Variants in HS3ST2 observed in about 807,000 individuals in gnomAD.
The protein encoded by HS3ST2 is heparan sulfate glucosamine 3-O-sulfotransferase 2.
In HS3ST2, 17 loss-of-function variants were observed where a neutral mutation model predicts 26.3. The ratio of observed to expected loss-of-function variants is 0.65; its 90% CI spans 0.44 to 0.97. The LOEUF is 0.97. HS3ST2 is among the 50% of genes least tolerant of loss of function. The probability of loss-of-function intolerance (pLI) is 0.00; values close to 1 mark genes in which losing one functional copy is unlikely to be tolerated. For synonymous variants in HS3ST2, 237 were observed against 219.2 expected (o/e 1.08, Z -0.72); for missense variants, 402 against 501.2 (o/e 0.80, Z 1.89).
chr16:22,882,987 T>C (rs1902011026), intron 1 of HS3ST2, among the ~76,000 whole-genome samples: 1 of 150,090 alleles, frequency 6.7e-6, no homozygotes, highest in East Asian at 1.9e-4. Flanking sequence ...GCTGACATTG[T>C]GCCACTGCAC....
intron 1 of HS3ST2, among the ~76,000 whole-genome samples, chr16:22,911,022 T>G (rs534039909): frequency 2.0e-5 from 3 of 151,872 alleles, no homozygotes; most frequent in Admixed American, 1.3e-4. Context: ...AGGCTGGGAG[T>G]GTATGATGAG....
At chr16:22,846,886 T>C (rs1429483081) in intron 1 of HS3ST2, among the ~76,000 whole-genome samples, 1 of 152,000 alleles carries the variant, frequency 6.6e-6, no homozygotes, top group African/African-American at 2.4e-5. Flanking sequence ...TCTGGCAGAG[T>C]CAGGATACAA....
chr16:22,868,405 C>CAAAA (rs77630354), intron 1 of HS3ST2, among the ~76,000 whole-genome samples: 490 of 42,848 alleles, frequency 0.011, 18 homozygotes, highest in East Asian at 0.043. Context: ...AAGACTCCAT[C>CAAAA]AAAAAAAAAA....
intron 1 of HS3ST2, among the ~76,000 whole-genome samples, chr16:22,868,939 G>T (rs191758499): frequency 1.3e-5 from 2 of 152,078 alleles, no homozygotes; most frequent in East Asian, 3.9e-4. Flanking sequence ...AGTTTTAGGA[G>T]GCTCCACTGG....
At position 22,914,763 on chromosome 16, in the gene HS3ST2, A is replaced by AAAAAAAAAAGAG. The variant is rs1489223344; in HGVS notation, c.486-180_486-179insAAAAAAAAGAGA. On this transcript the variant is annotated intron_variant, in intron 1 of 1. Transcript: ENST00000261374. ...AAAAAAAAAAAAAAAAAAAAAAAAA[A>AAAAAAAAAAGAG]AGAGAAGAAAAGAAAATCAACAAGA... Among the ~76,000 whole-genome samples the AAAAAAAAAAGAG allele has an allele frequency of 1.7e-5, 2 of 118,778 alleles. 1 individual carries two copies. Among genetic ancestry groups the AAAAAAAAAAGAG allele is most frequent in the African/African-American group, 7.5e-5 (2 of 26,702 alleles). The allele number at this position is 118,778 out of a possible 152,430, so 77.9% of individuals were successfully genotyped here.
chr16:22,840,323 T>C (rs914685393), intron 1 of HS3ST2, among the ~76,000 whole-genome samples: 36 of 152,234 alleles, frequency 2.4e-4, no homozygotes, highest in African/African-American at 8.0e-4. Flanking sequence ...CCAGTCTGCA[T>C]ATTCTTTGCT....
intron 1 of HS3ST2, among the ~76,000 whole-genome samples, chr16:22,889,594 T>A (rs889219543): frequency 6.6e-6 from 1 of 151,990 alleles, no homozygotes; most frequent in African/African-American, 2.4e-5. Context: ...CTGGAAAAAA[T>A]CCCCAATCTG....
chr16:22,833,920 G>A (rs530323200), intron 1 of HS3ST2, among the ~76,000 whole-genome samples: 159 of 151,104 alleles, frequency 1.1e-3, no homozygotes, highest in Non-Finnish European at 1.9e-3. Context: ...AAGATATATT[G>A]TTCAGCTAAA....
chr16:22,816,599 G>A lies in HS3ST2; in HGVS notation c.485+1504G>A, dbSNP rs375254229. Among the ~76,000 whole-genome samples the A allele has an allele frequency of 4.6e-5, 7 of 152,346 alleles. 1 individual carries two copies. The highest frequency in any genetic ancestry group is 1.4e-4 in the African/African-American group (6 of 41,576). On this transcript the variant is annotated intron_variant, in intron 1 of 1. Transcript: ENST00000261374. ...CCAGCACCATTATGTCTGGTTAATA[G>A]GGTAGGGTGGCACAGAGTGGCAGAT... is the stretch of plus-strand genomic sequence containing the variant.
chr16:22,848,473 C>T (rs2141184804), intron 1 of HS3ST2, among the ~76,000 whole-genome samples: 1 of 152,280 alleles, frequency 6.6e-6, no homozygotes, highest in East Asian at 1.9e-4. Context: ...GAGACTGGAG[C>T]AGAAGATGAT....
chr16:22,874,134 T>G (rs930785267), intron 1 of HS3ST2, among the ~76,000 whole-genome samples: 3 of 152,164 alleles, frequency 2.0e-5, no homozygotes, highest in Non-Finnish European at 4.4e-5. Flanking sequence ...GAAGGGGACT[T>G]CATGTAGCCA....
intron 1 of HS3ST2, among the ~76,000 whole-genome samples, chr16:22,907,596 G>C (rs1034855543): frequency 1.3e-5 from 2 of 152,200 alleles, no homozygotes; most frequent in African/African-American, 4.8e-5. Context: ...GAATGATTCT[G>C]AAGTTTTCCT....
chr16:22,908,049 C>T (rs1201388178), intron 1 of HS3ST2, among the ~76,000 whole-genome samples: 1 of 152,098 alleles, frequency 6.6e-6, no homozygotes, highest in Non-Finnish European at 1.5e-5. Context: ...ATTGCGTGAG[C>T]CTGGGAGGTC....
intron 1 of HS3ST2, among the ~76,000 whole-genome samples, chr16:22,905,529 T>C (rs1902340790): frequency 6.6e-6 from 1 of 152,020 alleles, no homozygotes; most frequent in Admixed American, 6.6e-5. Context: ...GAGGGACATA[T>C]CTTCACCAGT....
chr16:22,892,830 A>G (rs1156244240), intron 1 of HS3ST2, among the ~76,000 whole-genome samples: 2 of 152,218 alleles, frequency 1.3e-5, no homozygotes, highest in Non-Finnish European at 2.9e-5. Context: ...GCTCTTCAAA[A>G]TGCGTTGGCT....
rs1379229453 is a variant in HS3ST2, at chr16:22,910,483, G to C, written c.486-4461G>C. 2.6e-5 allele frequency among the ~76,000 whole-genome samples: 4 copies of C among 152,146 alleles called. No individual in the cohort carries two copies. In the South Asian group the frequency reaches 6.2e-4, roughly 24 times the overall value. ...CCACAGTCACGATCTAATATATCCAGATTTCTAAGAAAATCCAGCCAAAGA... is the reference window on the plus strand; with the variant it reads ...CCACAGTCACGATCTAATATATCCACATTTCTAAGAAAATCCAGCCAAAGA... On this transcript the variant is annotated intron_variant, in intron 1 of 1. Coordinates refer to ENST00000261374, the MANE Select transcript of HS3ST2 (RefSeq NM_006043.2).
intron 1 of HS3ST2, among the ~76,000 whole-genome samples, chr16:22,846,174 G>A (rs928438538): frequency 6.6e-6 from 1 of 152,076 alleles, no homozygotes; most frequent in South Asian, 2.1e-4. Context: ...CTACTTGGGA[G>A]GCTGAGGCAG....
intron 1 of HS3ST2, among the ~76,000 whole-genome samples, chr16:22,864,047 T>C (rs1901714922): frequency 6.6e-6 from 1 of 152,206 alleles, no homozygotes; most frequent in Non-Finnish European, 1.5e-5. Flanking sequence ...CAAAAATTCA[T>C]GCCTGGCTCC....
chr16:22,897,439 G>C (rs1902225483), intron 1 of HS3ST2, among the ~76,000 whole-genome samples: 2 of 152,090 alleles, frequency 1.3e-5, no homozygotes, highest in African/African-American at 4.8e-5. Context: ...CACCAATATT[G>C]TTTTGAGTCA....
Sources: gnomAD v4.1 joint callset for allele counts (sites outside exome capture counted in the v4.1 genomes callset) on GRCh38, gnomAD v4.1.1 for gene constraint, MANE v1.5 for transcripts, NCBI Gene and HGNC (gene_info 2026-07-23, HGNC 2026-07-21) for gene names.